MTMR11: variants seen among roughly 807,000 people sequenced by gnomAD.
MTMR11 encodes the protein myotubularin related protein 11.
In MTMR11, 89 loss-of-function variants were observed where a neutral mutation model predicts 100.0. The observed-to-expected ratio is 0.89, with a 90% CI of 0.75 to 1.06. The LOEUF (loss-of-function observed/expected upper bound fraction) is 1.06, where lower values mean the gene tolerates loss of function less well. Ranked by LOEUF, MTMR11 falls within the 50% of genes least tolerant of loss-of-function variation. MTMR11 has a pLI of 0.00. For missense variants in MTMR11, 809 were observed against 873.7 expected (o/e 0.93, Z 0.93); for synonymous variants, 336 against 326.3 (o/e 1.03, Z -0.32).
Position 149,929,921 on chromosome 1 carries a change from A to G in MTMR11, c.1648-5T>C. On this transcript the variant is annotated splice_polypyrimidine_tract_variant and splice_region_variant and intron_variant, in intron 15 of 16. Transcript: ENST00000439741. ...TCCAGGAACCATGAAGCTTGGCTAA[A>G]AGGAAAAGAAAATCAACTGGCAACA... 6.2e-7 allele frequency: 1 copy of G among 1,603,212 alleles called. No individual in the cohort carries two copies. The highest frequency in any genetic ancestry group is 8.5e-7 in the Non-Finnish European group (1 of 1,173,920).
In MTMR11 at chr1:149,929,756, G is replaced by C. The variant is rs148302119; in HGVS notation, c.1808C>G (p.Ala603Gly). The C allele has an allele frequency of 1.1e-4, 175 of 1,614,208 alleles. 2 individuals are homozygous for C. In the Middle Eastern group the frequency reaches 1.2e-3, roughly 11 times the overall value. The change falls in exon 16 of 17, where the codon GCT becomes GGT. Residue 603 changes from alanine (A) to glycine (G), a missense_variant. Physicochemically the swap from Ala to Gly is moderately conservative, Grantham distance 60. Coordinates refer to ENST00000439741, the MANE Select transcript of MTMR11 (RefSeq NM_001145862.2). ...TGAGGGGAGACCCCATTCCTGGTCA[G>C]CCAGGCTTTCAGAGGAGATAGCAGG... is the stretch of plus-strand genomic sequence containing the variant. ...PRPAISSESL[A>G]DQEWGLPSHW... is the part of the protein sequence containing the mutation.
At chr1:149,935,278 C>T in intron 4 of MTMR11, 21 bp downstream of exon 4, 1 of 1,609,658 alleles carries the variant, frequency 6.2e-7, no homozygotes, top group South Asian at 1.1e-5. Flanking sequence ...AACCCCTTCA[C>T]CAAACCCCCC....
intron 4 of MTMR11, 44 bp downstream of exon 4, chr1:149,935,255 A>C: frequency 6.2e-7 from 1 of 1,608,752 alleles, no homozygotes; most frequent in Non-Finnish European, 8.5e-7. Flanking sequence ...AGGGAGTTCC[A>C]ACAACCCCAG....
At chr1:149,935,158 C>T in intron 4 of MTMR11, 30 bp from the exon 5 acceptor site, 5 of 1,613,356 alleles carry the variant, frequency 3.1e-6, no homozygotes, top group Non-Finnish European at 4.2e-6. Context: ...AACAGTGTAA[C>T]CATGGACCAG....
chr1:149,930,595 C>T (rs782591828), intron 14 of MTMR11, 48 bp from the exon 15 acceptor site: 11 of 1,500,004 alleles, frequency 7.3e-6, no homozygotes, highest in East Asian at 4.5e-5. Flanking sequence ...AATCCTCCCA[C>T]ATCTAGAGAC....
At chr1:149,932,209 A>G (rs587681672) in intron 11 of MTMR11, 55 bp downstream of exon 11, 1 of 1,569,598 alleles carries the variant, frequency 6.4e-7, no homozygotes, top group African/African-American at 1.4e-5. Context: ...CCAAGTTAAC[A>G]GAAGGTTGAG....
chr1:149,936,142 G>A lies in MTMR11; in HGVS notation c.142+12C>T, dbSNP rs1553769145. 3.7e-6 allele frequency: 6 copies of A among 1,609,736 alleles called. No homozygotes were observed. Among genetic ancestry groups the A allele is most frequent in the Non-Finnish European group, 5.1e-6 (6 of 1,176,002 alleles). On this transcript the variant is annotated intron_variant, in intron 2 of 16. Transcript: ENST00000439741. The stretch of plus-strand genomic sequence containing the variant: ...ATTTGGAAGTCTTTGGAGAGTGATA[G>A]GGCATTATTACCTGGGAGGCATCTG...
At position 149,931,368 on chromosome 1, in the gene MTMR11, G is replaced by C; in HGVS notation, c.1182C>G (p.Ala394=). 1 of 1,613,746 alleles carries C rather than the reference G, an allele frequency of 6.2e-7. No homozygotes were observed. Among genetic ancestry groups the C allele is most frequent in the African/African-American group, 1.3e-5 (1 of 74,954 alleles). The change falls in exon 13 of 17, where the codon GCC becomes GCG. Residue 394 remains alanine (A), a synonymous_variant. Coordinates refer to ENST00000439741, the MANE Select transcript of MTMR11 (RefSeq NM_001145862.2). Reference sequence around the variant, plus strand: ...AGCCAAACAGTGTTCGGGCTTCGGGGGCTGAAAGCAGCTGGACGAGTGAAG... The same window carrying C: ...AGCCAAACAGTGTTCGGGCTTCGGGCGCTGAAAGCAGCTGGACGAGTGAAG... ...LLSSLVQLLS[A]PEARTLFGFQ... is the part of the protein sequence containing the mutation.
chr1:149,935,282 A>ACC lies in MTMR11; in HGVS notation c.325+15_325+16dup, dbSNP rs3214801. On this transcript the variant is annotated intron_variant, in intron 4 of 16. Transcript: ENST00000439741. ...CAACCCCAGTGAACCCCTTCACCAAACCCCCCCCCAACTTACCAGCCTCTA... is the reference window on the plus strand; with the variant it reads ...CAACCCCAGTGAACCCCTTCACCAAACCCCCCCCCCCAACTTACCAGCCTCTA... The ACC allele has an allele frequency of 2.4e-5, 36 of 1,493,316 alleles. No homozygotes were observed. The highest frequency in any genetic ancestry group is 1.7e-4 in the East Asian group (7 of 41,014). 92.5% of individuals were successfully genotyped at this position (1,493,316 alleles called of 1,614,324 possible).
Position 149,936,638 on chromosome 1 carries a change from CCCA to C in MTMR11, c.7_9del (p.Trp3del), listed in dbSNP as rs782443079. The C allele has an allele frequency of 2.3e-4, 361 of 1,542,778 alleles. No individual in the cohort carries two copies. Among genetic ancestry groups the C allele is most frequent in the Non-Finnish European group, 2.7e-4 (308 of 1,139,146 alleles). On this transcript the variant is annotated inframe_deletion, in exon 1 of 17. Transcript: ENST00000439741. Reference sequence around the variant, plus strand: ...ATGTTGAAACTCTGGCCCCGGCCCCCCCACCACATTTCTCTGGCTCCATCCGGG... The same window carrying C: ...ATGTTGAAACTCTGGCCCCGGCCCCCCCACATTTCTCTGGCTCCATCCGGG...
At position 149,928,953 on chromosome 1, in the gene MTMR11, T is replaced by C; in HGVS notation, c.*176A>G. ...TGTTTTTGTTTCTTAATCCTTCAAA[T>C]GACAAGAAGCAAAAATATTTGTAGA... is the stretch of plus-strand genomic sequence containing the variant. On this transcript the variant is annotated 3_prime_UTR_variant, in exon 17 of 17. Transcript: ENST00000439741. 1 of 1,613,796 alleles carries C rather than the reference T, an allele frequency of 6.2e-7. No homozygotes were observed. The highest frequency in any genetic ancestry group is 8.5e-7 in the Non-Finnish European group (1 of 1,179,866).
rs782066868 is a variant in MTMR11 at position 149,930,765 on chromosome 1, C to A, written c.1464+27G>T. The A allele has an allele frequency of 1.2e-5, 18 of 1,519,200 alleles. No individual in the cohort carries two copies. In the Admixed American group the frequency reaches 3.9e-4, roughly 33 times the overall value. 94.1% of individuals were successfully genotyped at this position (1,519,200 alleles called of 1,614,324 possible). A position where few individuals can be genotyped will look rare whatever the true frequency, so the allele number is the denominator to read the frequency against. ...GAGTACATCTCAATGGAAAAAAAAA[C>A]ACGAGTCAAAAATAGAAGTCACTGA... On this transcript the variant is annotated intron_variant, in intron 14 of 16. Transcript: ENST00000439741.
chr1:149,930,798 G>T lies in MTMR11; in HGVS notation c.1458C>A (p.Ser486Arg), dbSNP rs186618889. The T allele has an allele frequency of 6.4e-7, 1 of 1,569,816 alleles. No homozygotes were observed. Among genetic ancestry groups the T allele is most frequent in the Non-Finnish European group, 8.6e-7 (1 of 1,162,888 alleles). ...RNTPWERGKQ[S>R]GQLNSYTQVY... The stretch of plus-strand genomic sequence containing the variant: ...AAAAATAGAAGTCACTGACCTGTCC[G>T]CTCTGCTTTCCGCGCTCCCAGGGGG... The change falls in exon 14 of 17, where the codon AGC becomes AGA. Residue 486 changes from serine to arginine, a missense_variant. Ser to Arg is a moderately radical substitution (Grantham distance 110). Transcript: ENST00000439741.
Position 149,929,218 on chromosome 1 carries a change from G to C in MTMR11, c.2041C>G (p.His681Asp), listed in dbSNP as rs1553766798. Residue 681 changes from histidine to aspartate, a missense_variant, in exon 17 of 17, where the codon CAC becomes GAC. Transcript: ENST00000439741. Reference sequence around the variant, plus strand: ...GTATGTGGATCTCTTTTCTTGGAGTGATCCTCAGGAGATATTCTTGGTGTC... The same window carrying C: ...GTATGTGGATCTCTTTTCTTGGAGTCATCCTCAGGAGATATTCTTGGTGTC... The part of the protein sequence containing the change: ...KWTPRISPED[H>D]SKKRDPHTIL... 6.2e-7 allele frequency: 1 copy of C among 1,614,040 alleles called. No individual in the cohort carries two copies. The highest frequency in any genetic ancestry group is 8.5e-7 in the Non-Finnish European group (1 of 1,179,980).
chr1:149,931,611 G>C, intron 12 of MTMR11, 185 bp from the exon 13 acceptor site: 1 of 606,994 alleles, frequency 1.6e-6, no homozygotes, highest in Non-Finnish European at 2.8e-6. Flanking sequence ...TCACTTCCTG[G>C]ACTCCACCCG....
In MTMR11 at chr1:149,932,339, G is replaced by T; in HGVS notation, c.986-9C>A. 1 of 1,609,850 alleles carries T rather than the reference G, an allele frequency of 6.2e-7. No homozygotes were observed. Among genetic ancestry groups the T allele is most frequent in the Non-Finnish European group, 8.5e-7 (1 of 1,176,304 alleles). On this transcript the variant is annotated splice_polypyrimidine_tract_variant and intron_variant, in intron 10 of 16. Transcript: ENST00000439741. ...CTCAGCTACAGATGAATCTGATAGA[G>T]GGTAGAAAGATCAGAAGGGCAAGAG... is the stretch of plus-strand genomic sequence containing the variant.
chr1:149,929,141 C>A lies in MTMR11; in HGVS notation c.2118G>T (p.Gly706=). Residue 706 remains glycine (G), a synonymous_variant, in exon 17 of 17, where the codon GGG becomes GGT. Transcript: ENST00000439741. ...IAGILKGRAE[G]DLG ...ACAGAACCCTCCTCTACCCCAGATCCCCCTCTGCCCTGCCTTTGAGAATGC... is the reference window on the plus strand; with the variant it reads ...ACAGAACCCTCCTCTACCCCAGATCACCCTCTGCCCTGCCTTTGAGAATGC... 1 of 1,612,346 alleles carries A rather than the reference C, an allele frequency of 6.2e-7. No individual in the cohort carries two copies. Among genetic ancestry groups the A allele is most frequent in the Non-Finnish European group, 8.5e-7 (1 of 1,178,942 alleles).
Position 149,935,337 on chromosome 1 carries a change from T to C in MTMR11, c.287A>G (p.Tyr96Cys), listed in dbSNP as rs1553768851. The part of the protein sequence containing the change: ...WNQDTPLNSE[Y>C]DFALVNIGRL... ...TCCAATGTTGACCAGGGCAAAATCGTATTCACTGTTCAAGGGAGTGTCCTA... is the reference window on the plus strand; with the variant it reads ...TCCAATGTTGACCAGGGCAAAATCGCATTCACTGTTCAAGGGAGTGTCCTA... The change falls in exon 4 of 17, where the codon TAC becomes TGC. Residue 96 changes from tyrosine to cysteine, a missense_variant. Transcript: ENST00000439741. The C allele has an allele frequency of 6.2e-7, 1 of 1,611,776 alleles. No individual in the cohort carries two copies. Among genetic ancestry groups the C allele is most frequent in the African/African-American group, 1.3e-5 (1 of 74,908 alleles).
chr1:149,931,459 G>A, intron 12 of MTMR11, 33 bp from the exon 13 acceptor site: 1 of 1,544,478 alleles, frequency 6.5e-7, no homozygotes, highest in Non-Finnish European at 8.7e-7. Context: ...GGACAAAGAA[G>A]AGGGGTCCAA....
Sources: allele counts gnomAD v4.1 joint callset, GRCh38; gene constraint gnomAD v4.1.1; transcripts MANE v1.5; gene names NCBI Gene and HGNC (gene_info 2026-07-23, HGNC 2026-07-21).